Variants in TAFA1 observed in about 807,000 individuals in gnomAD.
The protein encoded by TAFA1 is chemokine-like protein TAFA-1.
Under a neutral mutation model 18.5 loss-of-function variants are expected in TAFA1, and 4 were observed. That is an observed-to-expected ratio of 0.22 (90% CI 0.11 to 0.49). The LOEUF (loss-of-function observed/expected upper bound fraction) is 0.49. Among genes scored for constraint, TAFA1 ranks in the 20% least tolerant of loss-of-function variants. The pLI is 0.98. For synonymous variants in TAFA1, 56 were observed against 55.2 expected (o/e 1.01, Z -0.06); for missense variants, 147 against 169.0 (o/e 0.87, Z 0.72).
At chr3:68,301,349 C>A (rs975959481) in intron 2 of TAFA1, among the ~76,000 whole-genome samples, 2 of 152,196 alleles carry the variant, frequency 1.3e-5, no homozygotes, top group East Asian at 3.9e-4. Flanking sequence ...TATACCCTCA[C>A]AAAATGAGCT....
chr3:68,194,862 G>A (rs576334064), intron 2 of TAFA1, among the ~76,000 whole-genome samples: 77 of 151,772 alleles, frequency 5.1e-4, no homozygotes, highest in African/African-American at 1.7e-3. Context: ...CATAGAGACC[G>A]GCATATAGGA....
chr3:68,044,762 T>C (rs1705234365), intron 2 of TAFA1, among the ~76,000 whole-genome samples: 1 of 152,210 alleles, frequency 6.6e-6, no homozygotes, highest in African/African-American at 2.4e-5. Context: ...TGTTAGACCT[T>C]GGGCAAGTTT....
intron 2 of TAFA1, among the ~76,000 whole-genome samples, chr3:68,134,552 T>C (rs909425326): frequency 6.6e-6 from 1 of 152,168 alleles, no homozygotes; most frequent in African/African-American, 2.4e-5. Flanking sequence ...GTCAGTGGCC[T>C]GCTGGAATCT....
intron 2 of TAFA1, among the ~76,000 whole-genome samples, chr3:68,122,395 A>C (rs781526393): frequency 2.4e-4 from 36 of 152,206 alleles, no homozygotes; most frequent in Non-Finnish European, 4.0e-4. Flanking sequence ...CTTCTGTGTA[A>C]TGCCAGTTAT....
intron 2 of TAFA1, among the ~76,000 whole-genome samples, chr3:68,023,065 G>C (rs911204306): frequency 1.3e-5 from 2 of 150,948 alleles, no homozygotes; most frequent in Non-Finnish European, 2.9e-5. Context: ...GGTAAAGCCA[G>C]TATTTGAACT....
intron 2 of TAFA1, among the ~76,000 whole-genome samples, chr3:68,079,891 C>G (rs2064874468): frequency 6.6e-6 from 1 of 152,050 alleles, no homozygotes; most frequent in South Asian, 2.1e-4. Flanking sequence ...TCCCGTTGAT[C>G]TGTCTAATGT....
chr3:68,191,168 T>C (rs2066335475), intron 2 of TAFA1, among the ~76,000 whole-genome samples: 1 of 152,002 alleles, frequency 6.6e-6, no homozygotes, highest in African/African-American at 2.4e-5. Flanking sequence ...TGTTTTGTTC[T>C]GTCTTTCCAT....
At chr3:68,069,050 C>A (rs1261786373) in intron 2 of TAFA1, among the ~76,000 whole-genome samples, 1 of 152,152 alleles carries the variant, frequency 6.6e-6, no homozygotes. Flanking sequence ...AAAGGAGTAG[C>A]TGCAGTTTTT....
At chr3:68,451,431 A>C (rs2071565217) in intron 3 of TAFA1, among the ~76,000 whole-genome samples, 1 of 152,192 alleles carries the variant, frequency 6.6e-6, no homozygotes, top group African/African-American at 2.4e-5. Context: ...GAAGGAATGC[A>C]AGACAAAGTA....
chr3:68,320,180 A>C (rs974567143), intron 2 of TAFA1, among the ~76,000 whole-genome samples: 7 of 152,230 alleles, frequency 4.6e-5, no homozygotes, highest in Non-Finnish European at 8.8e-5. Context: ...TGTTTTAAAA[A>C]TGAAGATTAA....
intron 2 of TAFA1, among the ~76,000 whole-genome samples, chr3:68,170,724 CA>C (rs1464066855): frequency 6.6e-6 from 1 of 152,122 alleles, no homozygotes; most frequent in East Asian, 1.9e-4. Context: ...TGCTCATAAA[CA>C]CACAGCCCCT....
intron 2 of TAFA1, among the ~76,000 whole-genome samples, chr3:68,243,907 T>C (rs1038411830): frequency 6.6e-6 from 1 of 152,228 alleles, no homozygotes; most frequent in Non-Finnish European, 1.5e-5. Flanking sequence ...CTAGCAGTTA[T>C]GTATGAGCAA....
intron 3 of TAFA1, among the ~76,000 whole-genome samples, chr3:68,462,246 C>A (rs111233067): frequency 6.6e-6 from 1 of 152,158 alleles, no homozygotes; most frequent in East Asian, 1.9e-4. Context: ...TTGCCTGTGT[C>A]CCCACCCAAA....
chr3:68,507,457 G>A (rs2106721642), intron 3 of TAFA1, among the ~76,000 whole-genome samples: 2 of 152,096 alleles, frequency 1.3e-5, no homozygotes, highest in East Asian at 3.9e-4. Flanking sequence ...TGTCAGATCA[G>A]GGCAAAAACA....
chr3:68,199,165 G>GATCA (rs1284628143), intron 2 of TAFA1, among the ~76,000 whole-genome samples: 5 of 151,480 alleles, frequency 3.3e-5, no homozygotes, highest in African/African-American at 1.2e-4. Context: ...CATTGTTAAA[G>GATCA]ATCAGTTGAC....
At chr3:68,246,619 A>AAAAAAAAAAAAAAAAAAAAAAG (rs2067085654) in intron 2 of TAFA1, among the ~76,000 whole-genome samples, 1 of 141,430 alleles carries the variant, frequency 7.1e-6, no homozygotes, top group African/African-American at 2.6e-5. Flanking sequence ...AAAAAAAAAA[A>AAAAAAAAAAAAAAAAAAAAAAG]AAAAAATTGA....
chr3:68,227,032 T>G (rs77236156), intron 2 of TAFA1, among the ~76,000 whole-genome samples: 2,500 of 152,204 alleles, frequency 0.016, 61 homozygotes, highest in African/African-American at 0.056. Flanking sequence ...TAGAGAACAT[T>G]TACTATTATA....
At chr3:68,477,581 A>T (rs1003005117) in intron 3 of TAFA1, among the ~76,000 whole-genome samples, 1 of 151,864 alleles carries the variant, frequency 6.6e-6, no homozygotes, top group Non-Finnish European at 1.5e-5. Context: ...GGGTTTCACT[A>T]TGTTGGTCAG....
At chr3:68,132,309 T>C (rs1235450972) in intron 2 of TAFA1, among the ~76,000 whole-genome samples, 1 of 152,232 alleles carries the variant, frequency 6.6e-6, no homozygotes, top group African/African-American at 2.4e-5. Flanking sequence ...TTCCAAGTCT[T>C]TGCTATTGTG....
Sources: allele counts gnomAD v4.1 joint callset (sites outside exome capture counted in the v4.1 genomes callset), GRCh38; gene constraint gnomAD v4.1.1; transcripts MANE v1.5; gene names NCBI Gene and HGNC (gene_info 2026-07-23, HGNC 2026-07-21).